The following BRINP3 variants were observed in gnomAD, a reference collection of about 807,000 sequenced individuals.
The protein encoded by BRINP3 is BMP/retinoic acid-inducible neural-specific protein 3.
In BRINP3, 19 loss-of-function variants were observed where a neutral mutation model predicts 71.0. The ratio of observed to expected loss-of-function variants is 0.27; its 90% CI spans 0.19 to 0.39. BRINP3 has a LOEUF of 0.39. BRINP3 is among the 10% of genes least tolerant of loss of function. The pLI is 1.00. For missense variants in BRINP3, 959 were observed against 940.8 expected (o/e 1.02, Z -0.25); for synonymous variants, 380 against 337.7 (o/e 1.13, Z -1.37).
rs909553231 is a variant in BRINP3 at position 190,412,002 on chromosome 1, C to G, written c.236+42653G>C. 1.8e-4 allele frequency among the ~76,000 whole-genome samples: 28 copies of G among 152,096 alleles called. 1 individual carries two copies. Among genetic ancestry groups the G allele is most frequent in the African/African-American group, 6.3e-4 (26 of 41,416 alleles). On this transcript the variant is annotated intron_variant, in intron 2 of 7. Transcript: ENST00000367462. ...GCATCCTCCTTTCCTACCACACAGC[C>G]TCAGGCCACTACTTACTGTAACCTA... is the stretch of plus-strand genomic sequence containing the variant.
intron 7 of BRINP3, among the ~76,000 whole-genome samples, chr1:190,143,288 T>A (rs1359991188): frequency 1.4e-5 from 2 of 147,766 alleles, no homozygotes; most frequent in Non-Finnish European, 2.9e-5. Flanking sequence ...TCCACTCACT[T>A]CAGTTTGGTT....
intron 2 of BRINP3, among the ~76,000 whole-genome samples, chr1:190,339,612 T>C (rs1427461015): frequency 6.6e-6 from 1 of 151,970 alleles, no homozygotes; most frequent in Non-Finnish European, 1.5e-5. Flanking sequence ...AATGATTTCA[T>C]TCAGAGTGGC....
At chr1:190,166,618 T>C (rs1651563074) in intron 6 of BRINP3, among the ~76,000 whole-genome samples, 1 of 152,182 alleles carries the variant, frequency 6.6e-6, no homozygotes, top group South Asian at 2.1e-4. Flanking sequence ...CTAGAGAAAT[T>C]TTCTCAGGAG....
chr1:190,468,106 T>C (rs1322449200), intron 1 of BRINP3, among the ~76,000 whole-genome samples: 1 of 151,426 alleles, frequency 6.6e-6, no homozygotes, highest in South Asian at 2.1e-4. Context: ...TACATTTTAA[T>C]TAATAGTTAA....
intron 7 of BRINP3, among the ~76,000 whole-genome samples, chr1:190,137,750 G>A (rs1408962231): frequency 6.6e-6 from 1 of 152,118 alleles, no homozygotes; most frequent in Non-Finnish European, 1.5e-5. Context: ...ATGTTTTAAA[G>A]AGTGGATGAT....
rs924299549 is a variant in BRINP3, at chr1:190,198,938, G to A, written c.961+27144C>T. Among the ~76,000 whole-genome samples, 72 of 152,040 alleles carry A rather than the reference G, an allele frequency of 4.7e-4. 1 individual carries two copies. Among genetic ancestry groups the A allele is most frequent in the Admixed American group, 4.7e-3 (71 of 15,246 alleles). ...TAGCACCAATTTACTGTGTTACTCT[G>A]TTACCACACTGCTAATAAAGACATA... On this transcript the variant is annotated intron_variant, in intron 6 of 7. Coordinates refer to ENST00000367462, the MANE Select transcript of BRINP3 (RefSeq NM_199051.3).
intron 2 of BRINP3, among the ~76,000 whole-genome samples, chr1:190,430,163 T>A (rs1225144235): frequency 1.3e-5 from 2 of 152,278 alleles, no homozygotes; most frequent in East Asian, 1.9e-4. Context: ...CAAATTTGAC[T>A]TTTACCAGAG....
At chr1:190,334,500 G>T (rs1310856832) in intron 2 of BRINP3, among the ~76,000 whole-genome samples, 1 of 151,448 alleles carries the variant, frequency 6.6e-6, no homozygotes, top group African/African-American at 2.4e-5. Flanking sequence ...GAGGGAGATG[G>T]GTGTATTTCC....
chr1:190,261,408 G>A (rs940857711), intron 4 of BRINP3, among the ~76,000 whole-genome samples: 1 of 134,382 alleles, frequency 7.4e-6, no homozygotes, highest in Admixed American at 8.3e-5. Context: ...AGCTATGGAT[G>A]TTTGTGTCAG....
chr1:190,237,307 A>T (rs1658616312), intron 4 of BRINP3, among the ~76,000 whole-genome samples: 1 of 151,810 alleles, frequency 6.6e-6, no homozygotes, highest in Non-Finnish European at 1.5e-5. Flanking sequence ...CTATCTTTCA[A>T]TTGTATTCCA....
intron 2 of BRINP3, among the ~76,000 whole-genome samples, chr1:190,341,315 T>G (rs1452502751): frequency 6.6e-6 from 1 of 151,894 alleles, no homozygotes; most frequent in Admixed American, 6.6e-5. Context: ...TTAATGTTTT[T>G]CATGTTCTGT....
At chr1:190,184,793 T>A (rs552453476) in intron 6 of BRINP3, among the ~76,000 whole-genome samples, 1 of 152,024 alleles carries the variant, frequency 6.6e-6, no homozygotes, top group Non-Finnish European at 1.5e-5. Context: ...TATACTATAT[T>A]CACTACCTGG....
intron 6 of BRINP3, among the ~76,000 whole-genome samples, chr1:190,219,486 A>G (rs544399957): frequency 2.0e-5 from 3 of 152,226 alleles, no homozygotes; most frequent in East Asian, 1.9e-4. Context: ...AGAGGTCTCA[A>G]CAGTAGAATG....
chr1:190,399,606 G>C (rs949454219), intron 2 of BRINP3, among the ~76,000 whole-genome samples: 7 of 151,958 alleles, frequency 4.6e-5, no homozygotes, highest in Admixed American at 2.0e-4. Flanking sequence ...AAGTGAAGCT[G>C]CAAGAGAAAT....
intron 6 of BRINP3, among the ~76,000 whole-genome samples, chr1:190,166,811 C>T (rs1205793260): frequency 1.3e-5 from 2 of 152,034 alleles, no homozygotes; most frequent in Non-Finnish European, 2.9e-5. Flanking sequence ...ACAACCTCCA[C>T]CCCCAGGGTT....
At chr1:190,237,299 A>G (rs1658615260) in intron 4 of BRINP3, among the ~76,000 whole-genome samples, 1 of 151,854 alleles carries the variant, frequency 6.6e-6, no homozygotes, top group African/African-American at 2.4e-5. Context: ...AAATAAATCT[A>G]TCTTTCAATT....
chr1:190,440,499 TTA>T (rs1558288445), intron 2 of BRINP3, among the ~76,000 whole-genome samples: 1 of 151,916 alleles, frequency 6.6e-6, no homozygotes. Flanking sequence ...ATCAAATAGA[TTA>T]TGTCAGAAAG....
chr1:190,193,577 T>C (rs920587138), intron 6 of BRINP3, among the ~76,000 whole-genome samples: 1 of 152,084 alleles, frequency 6.6e-6, no homozygotes, highest in African/African-American at 2.4e-5. Flanking sequence ...AACACATCTT[T>C]ACAGATGTGA....
At chr1:190,146,324 A>T (rs1178018345) in intron 7 of BRINP3, among the ~76,000 whole-genome samples, 1 of 152,206 alleles carries the variant, frequency 6.6e-6, no homozygotes, top group African/African-American at 2.4e-5. Context: ...ATATAACCTT[A>T]AAAGGAGTGT....
Sources: gnomAD v4.1 joint callset for allele counts (sites outside exome capture counted in the v4.1 genomes callset) on GRCh38, gnomAD v4.1.1 for gene constraint, MANE v1.5 for transcripts, NCBI Gene and HGNC (gene_info 2026-07-23, HGNC 2026-07-21) for gene names.